Variants in HINT3 observed in about 807,000 individuals in gnomAD.
HINT3 encodes adenosine 5'-monophosphoramidase HINT3.
Under a neutral mutation model 19.1 loss-of-function variants are expected in HINT3, and 16 were observed. That is an observed-to-expected ratio of 0.84 (90% CI 0.57 to 1.27). HINT3 has a LOEUF of 1.27. Ranked by LOEUF, HINT3 falls within the 50% of genes most tolerant of loss-of-function variation. HINT3 has a pLI of 0.00. For synonymous variants in HINT3, 75 were observed against 84.8 expected (o/e 0.88, Z 0.63); for missense variants, 197 against 225.8 (o/e 0.87, Z 0.82).
chr6:125,977,719 G>A lies in HINT3; in HGVS notation c.*43G>A. On this transcript the variant is annotated 3_prime_UTR_variant, in exon 5 of 5. Coordinates refer to ENST00000229633, the MANE Select transcript of HINT3 (RefSeq NM_138571.5). Reference sequence around the variant, plus strand: ...GATTTTTCTAATCTTGGTTCAGCATGAAGTGGTATTTAGGTCCCTTTTAAG... The same window carrying A: ...GATTTTTCTAATCTTGGTTCAGCATAAAGTGGTATTTAGGTCCCTTTTAAG... 7.8e-7 allele frequency: 1 copy of A among 1,285,504 alleles called. No homozygotes were observed. The highest frequency in any genetic ancestry group is 1.1e-6 in the Non-Finnish European group (1 of 927,350). 79.6% of individuals were successfully genotyped at this position (1,285,504 alleles called of 1,614,324 possible). A position where few individuals can be genotyped will look rare whatever the true frequency, so the allele number is the denominator to read the frequency against.
At chr6:125,972,625 T>G (rs1197583366) in intron 3 of HINT3, among the ~76,000 whole-genome samples, 1 of 152,210 alleles carries the variant, frequency 6.6e-6, no homozygotes, top group East Asian at 1.9e-4. Flanking sequence ...GATCTCACTG[T>G]GTTGCCCAGG....
At chr6:125,974,296 C>A (rs1008509207) in intron 3 of HINT3, among the ~76,000 whole-genome samples, 2 of 152,146 alleles carry the variant, frequency 1.3e-5, no homozygotes, top group Non-Finnish European at 2.9e-5. Flanking sequence ...TTATCATTAT[C>A]ATCTAACTTA....
At chr6:125,970,669 A>G (rs1789084659) in intron 2 of HINT3, among the ~76,000 whole-genome samples, 1 of 152,190 alleles carries the variant, frequency 6.6e-6, no homozygotes, top group Admixed American at 6.5e-5. Context: ...ACTATCAAGG[A>G]ATATGACTAT....
chr6:125,957,350 A>AC (rs955842856), intron 1 of HINT3, among the ~76,000 whole-genome samples, 172 bp downstream of exon 1: 1 of 152,228 alleles, frequency 6.6e-6, no homozygotes, highest in African/African-American at 2.4e-5. Context: ...GGATACGCCC[A>AC]CTACGGGCCT....
chr6:125,976,992 A>C (rs1349004740), intron 4 of HINT3, among the ~76,000 whole-genome samples: 3 of 152,164 alleles, frequency 2.0e-5, no homozygotes, highest in Non-Finnish European at 4.4e-5. Context: ...CTCCACATGT[A>C]CAGTTTCCTC....
At position 125,962,208 on chromosome 6, in the gene HINT3, A is replaced by G. The variant is rs1291051431; in HGVS notation, c.202-4679A>G. 2.9e-3 allele frequency among the ~76,000 whole-genome samples: 109 copies of G among 37,150 alleles called. 10 individuals carry two copies. The highest frequency in any genetic ancestry group is 0.028 in the African/African-American group (106 of 3,800). 24.4% of individuals were successfully genotyped at this position (37,150 alleles called of 152,430 possible). A position where few individuals can be genotyped will look rare whatever the true frequency, so the allele number is the denominator to read the frequency against. ...TATACACATATATATATATATATAT[A>G]TACACATATATATATATATATATAT... On this transcript the variant is annotated intron_variant, in intron 1 of 4. Coordinates refer to ENST00000229633, the MANE Select transcript of HINT3 (RefSeq NM_138571.5).
Position 125,977,671 on chromosome 6 carries a change from A to C in HINT3, c.544A>C (p.Thr182Pro). 6.6e-7 allele frequency: 1 copy of C among 1,521,788 alleles called. No homozygotes were observed. Among genetic ancestry groups the C allele is most frequent in the Non-Finnish European group, 8.9e-7 (1 of 1,119,806 alleles). 94.3% of individuals were successfully genotyped at this position (1,521,788 alleles called of 1,614,324 possible). A position where few individuals can be genotyped will look rare whatever the true frequency, so the allele number is the denominator to read the frequency against. Residue 182 changes from threonine (T) to proline (P), a missense_variant, in exon 5 of 5, where the codon ACA (threonine) becomes CCA (proline). Physicochemically the swap from Thr to Pro is conservative, Grantham distance 38. Coordinates refer to ENST00000229633, the MANE Select transcript of HINT3 (RefSeq NM_138571.5). Reference protein sequence around the residue: ...TADHLIEKLRT With the variant: ...TADHLIEKLRP ...TGATCACTTGATTGAAAAACTAAGA[A>C]CATGAAAATGTCAAGAGTGGAAGAT...
intron 3 of HINT3, among the ~76,000 whole-genome samples, chr6:125,973,145 G>T: frequency 8.7e-6 from 1 of 114,414 alleles, no homozygotes. Context: ...GTGCGATCTT[G>T]GCTCACTGCA....
intron 1 of HINT3, among the ~76,000 whole-genome samples, chr6:125,964,737 TACACACACACACACACAC>T (rs3083382): frequency 2.0e-5 from 3 of 148,548 alleles, no homozygotes; most frequent in Admixed American, 6.7e-5. Flanking sequence ...AATAGTTTTA[TACACACACACACACACAC>T]ACACACACAC....
intron 3 of HINT3, among the ~76,000 whole-genome samples, chr6:125,973,021 G>GTC (rs1388258255): frequency 1.4e-5 from 2 of 142,410 alleles, no homozygotes; most frequent in East Asian, 4.3e-4. Flanking sequence ...TGAATTTGTT[G>GTC]TCTGCTGAAC....
chr6:125,962,285 TAC>T lies in HINT3; in HGVS notation c.202-4598_202-4597del, dbSNP rs1211157879. Among the ~76,000 whole-genome samples, 2 of 28,882 alleles carry T rather than the reference TAC, an allele frequency of 6.9e-5. 1 individual carries two copies. Among genetic ancestry groups the T allele is most frequent in the African/African-American group, 4.1e-4 (2 of 4,884 alleles). The allele number at this position is 28,882 out of a possible 152,430, so 18.9% of individuals were successfully genotyped here. A position where few individuals can be genotyped will look rare whatever the true frequency, so the allele number is the denominator to read the frequency against. ...ATATATATATACATACATATATATA[TAC>T]ACATATATATATATATATATCACAC... On this transcript the variant is annotated intron_variant, in intron 1 of 4. Transcript: ENST00000229633.
intron 3 of HINT3, among the ~76,000 whole-genome samples, chr6:125,973,713 C>T (rs1018299874): frequency 1.3e-5 from 2 of 152,094 alleles, no homozygotes; most frequent in Non-Finnish European, 2.9e-5. Context: ...TGTTTGAGAC[C>T]CTTTGGCCAG....
intron 1 of HINT3, among the ~76,000 whole-genome samples, chr6:125,960,406 C>T (rs1205553864): frequency 6.6e-6 from 1 of 152,190 alleles, no homozygotes; most frequent in Non-Finnish European, 1.5e-5. Flanking sequence ...CGCCTGTAAT[C>T]CCAGCACTTT....
intron 2 of HINT3, among the ~76,000 whole-genome samples, chr6:125,971,655 G>A (rs941949560): frequency 4.8e-5 from 7 of 146,324 alleles, no homozygotes; most frequent in Admixed American, 4.1e-4. Context: ...CTGCCTCCAC[G>A]TATCGAGTAG....
chr6:125,966,356 A>T (rs575233273), intron 1 of HINT3, among the ~76,000 whole-genome samples: 1 of 152,192 alleles, frequency 6.6e-6, no homozygotes, highest in Non-Finnish European at 1.5e-5. Flanking sequence ...TCTTTTTAAT[A>T]CTGTAAAGTG....
intron 2 of HINT3, among the ~76,000 whole-genome samples, chr6:125,970,330 T>C (rs142627338): frequency 4.6e-5 from 7 of 152,312 alleles, no homozygotes; most frequent in Non-Finnish European, 5.9e-5. Context: ...ATTTACCTGA[T>C]TGAAACATTT....
chr6:125,963,468 G>T (rs2128710955), intron 1 of HINT3, among the ~76,000 whole-genome samples: 1 of 152,250 alleles, frequency 6.6e-6, no homozygotes, highest in Non-Finnish European at 1.5e-5. Flanking sequence ...GAGGTTGAGT[G>T]CCAGTCTGCC....
intron 1 of HINT3, among the ~76,000 whole-genome samples, chr6:125,958,207 AC>A (rs569231478): frequency 2.6e-5 from 4 of 151,454 alleles, no homozygotes; most frequent in African/African-American, 9.7e-5. Context: ...AGGTTGAGAG[AC>A]CCCCCGAGAG....
chr6:125,968,682 T>C (rs1168877590), intron 2 of HINT3, among the ~76,000 whole-genome samples: 1 of 152,216 alleles, frequency 6.6e-6, no homozygotes. Context: ...TCTGTTATTT[T>C]TTTACTTTTT....
Sources: gnomAD v4.1 joint callset for allele counts (sites outside exome capture counted in the v4.1 genomes callset) on GRCh38, gnomAD v4.1.1 for gene constraint, MANE v1.5 for transcripts, NCBI Gene and HGNC (gene_info 2026-07-23, HGNC 2026-07-21) for gene names.